GPR63: variants seen among roughly 807,000 people sequenced by gnomAD.
GPR63 encodes the protein probable G protein-coupled receptor 63.
Under a neutral mutation model 23.1 loss-of-function variants are expected in GPR63, and 12 were observed. The ratio of observed to expected loss-of-function variants is 0.52; its 90% CI spans 0.33 to 0.84. The LOEUF (loss-of-function observed/expected upper bound fraction) is 0.84. Ranked by LOEUF, GPR63 falls within the 40% of genes least tolerant of loss-of-function variation. The probability of loss-of-function intolerance (pLI) is 0.02; values close to 1 mark genes in which losing one functional copy is unlikely to be tolerated. For synonymous variants in GPR63, 172 were observed against 191.1 expected (o/e 0.90, Z 0.82); for missense variants, 472 against 515.6 (o/e 0.92, Z 0.82).
chr6:96,821,503 T>G (rs1336753540), intron 1 of GPR63, among the ~76,000 whole-genome samples: 1 of 152,162 alleles, frequency 6.6e-6, no homozygotes, highest in Non-Finnish European at 1.5e-5. Flanking sequence ...AGGTACAGCT[T>G]CTTTTGTCTT....
At chr6:96,811,690 C>A (rs1428256116) in intron 1 of GPR63, among the ~76,000 whole-genome samples, 1 of 151,986 alleles carries the variant, frequency 6.6e-6, no homozygotes, top group Non-Finnish European at 1.5e-5. Context: ...TAGGCCCTTG[C>A]AACATATCCA....
rs1174412077 is a variant in GPR63, at chr6:96,796,894, G to C, written c.*1578C>G. 1 of 152,078 alleles carries C rather than the reference G, an allele frequency of 6.6e-6. No homozygotes were observed. The highest frequency in any genetic ancestry group is 2.4e-5 in the African/African-American group (1 of 41,378). 9.4% of individuals were successfully genotyped at this position (152,078 alleles called of 1,614,324 possible). ...TTGCTTCACAGCCTTATTTATCTAA[G>C]ATTTTTAAGTCTCACATTAAAAAGT... is the stretch of plus-strand genomic sequence containing the variant. On this transcript the variant is annotated 3_prime_UTR_variant, in exon 2 of 2. Transcript: ENST00000229955.
chr6:96,835,206 C>A (rs1774694366), intron 1 of GPR63, among the ~76,000 whole-genome samples: 1 of 152,046 alleles, frequency 6.6e-6, no homozygotes, highest in African/African-American at 2.4e-5. Context: ...GACTAAAATG[C>A]TGAAAAGATG....
intron 1 of GPR63, among the ~76,000 whole-genome samples, chr6:96,807,933 T>C (rs1382726061): frequency 6.6e-6 from 1 of 152,174 alleles, no homozygotes; most frequent in Non-Finnish European, 1.5e-5. Context: ...TCAAGTAACA[T>C]GTCCAAGGTC....
chr6:96,808,741 G>A (rs1378856422), intron 1 of GPR63, among the ~76,000 whole-genome samples: 1 of 152,140 alleles, frequency 6.6e-6, no homozygotes, highest in Non-Finnish European at 1.5e-5. Context: ...CTGAACTCCA[G>A]TCAACTAAAC....
intron 1 of GPR63, among the ~76,000 whole-genome samples, chr6:96,812,220 G>C (rs1288397407): frequency 6.6e-6 from 1 of 152,086 alleles, no homozygotes; most frequent in Non-Finnish European, 1.5e-5. Context: ...AATGCTGTGT[G>C]TACATTTTAA....
chr6:96,811,098 C>A (rs561702795), intron 1 of GPR63, among the ~76,000 whole-genome samples: 41 of 152,290 alleles, frequency 2.7e-4, no homozygotes, highest in African/African-American at 9.6e-4. Flanking sequence ...CTTCCCAGGG[C>A]TCCCAGCAGA....
chr6:96,826,029 T>C (rs921071219), intron 1 of GPR63, among the ~76,000 whole-genome samples: 1 of 152,050 alleles, frequency 6.6e-6, no homozygotes, highest in South Asian at 2.1e-4. Flanking sequence ...AAAACAAACA[T>C]TTCTTTAAAA....
At chr6:96,817,173 G>C (rs1774185721) in intron 1 of GPR63, among the ~76,000 whole-genome samples, 1 of 152,114 alleles carries the variant, frequency 6.6e-6, no homozygotes, top group Admixed American at 6.5e-5. Flanking sequence ...CAGGCTGAAA[G>C]ATAGGCAAAG....
chr6:96,816,441 G>T (rs1774165617), intron 1 of GPR63, among the ~76,000 whole-genome samples: 1 of 152,098 alleles, frequency 6.6e-6, no homozygotes, highest in South Asian at 2.1e-4. Context: ...ATAAAGTCAA[G>T]CCTGTAGCAG....
chr6:96,796,130 C>T lies in GPR63; in HGVS notation c.*2342G>A, dbSNP rs1773573353. The T allele has an allele frequency of 2.0e-5, 3 of 152,064 alleles. No homozygotes were observed. Among genetic ancestry groups the T allele is most frequent in the South Asian group, 2.1e-4 (1 of 4,810 alleles). 9.4% of individuals were successfully genotyped at this position (152,064 alleles called of 1,614,324 possible). A position where few individuals can be genotyped will look rare whatever the true frequency, so the allele number is the denominator to read the frequency against. On this transcript the variant is annotated 3_prime_UTR_variant, in exon 2 of 2. Coordinates refer to ENST00000229955, the MANE Select transcript of GPR63 (RefSeq NM_030784.4). ...TCATGATGTCTTCAACCTTTCAATG[C>T]CCCAACTCCTGATACAGTGCCACAC...
chr6:96,828,702 A>G (rs544817694), intron 1 of GPR63, among the ~76,000 whole-genome samples: 18 of 152,236 alleles, frequency 1.2e-4, no homozygotes, highest in African/African-American at 4.3e-4. Flanking sequence ...CATTCTAAAT[A>G]TAAAGAGACT....
intron 1 of GPR63, among the ~76,000 whole-genome samples, chr6:96,801,322 C>T (rs577130617): frequency 6.6e-6 from 1 of 152,104 alleles, no homozygotes; most frequent in African/African-American, 2.4e-5. Context: ...ACCTCAGCCT[C>T]CCGAGTAGCT....
intron 1 of GPR63, among the ~76,000 whole-genome samples, chr6:96,826,822 A>G (rs1043121060): frequency 6.6e-6 from 1 of 152,166 alleles, no homozygotes; most frequent in African/African-American, 2.4e-5. Flanking sequence ...AAGAAAATAC[A>G]TCATGGAAAA....
At chr6:96,806,059 T>C (rs946728246) in intron 1 of GPR63, among the ~76,000 whole-genome samples, 14 of 152,198 alleles carry the variant, frequency 9.2e-5, no homozygotes, top group Non-Finnish European at 1.8e-4. Context: ...ACCTCAGGGC[T>C]CTGTCAAGTC....
At chr6:96,836,719 G>A (rs535208166) in intron 1 of GPR63, among the ~76,000 whole-genome samples, 10 of 152,230 alleles carry the variant, frequency 6.6e-5, no homozygotes, top group African/African-American at 2.4e-4. Flanking sequence ...ACCGGCCAAG[G>A]ATGCAACACA....
intron 1 of GPR63, among the ~76,000 whole-genome samples, chr6:96,825,375 T>C (rs1213359920): frequency 1.3e-5 from 2 of 152,036 alleles, no homozygotes; most frequent in Non-Finnish European, 2.9e-5. Context: ...AGTGAAATGA[T>C]CAACTCTCAA....
rs536109414 is a variant in GPR63, at chr6:96,807,346, C to T, written c.-150-7465G>A. On this transcript the variant is annotated intron_variant, in intron 1 of 1. Coordinates refer to ENST00000229955, the MANE Select transcript of GPR63 (RefSeq NM_030784.4). ...TCAATCTGGCTATAGCCACTGGATA[C>T]TCACTGTGGCAACACAGGGACCAAA... Among the ~76,000 whole-genome samples the T allele has an allele frequency of 9.8e-5, 15 of 152,362 alleles. No homozygotes were observed. In the South Asian group the frequency reaches 2.9e-3, roughly 29 times the overall value.
intron 1 of GPR63, among the ~76,000 whole-genome samples, chr6:96,815,720 A>T (rs6568613): frequency 0.66 from 100,223 of 152,092 alleles, 33,873 homozygotes; most frequent in African/African-American, 0.81. Flanking sequence ...ATGTGTACAA[A>T]TTTTTGTATA....
Sources: gnomAD v4.1 joint callset for allele counts (sites outside exome capture counted in the v4.1 genomes callset) on GRCh38, gnomAD v4.1.1 for gene constraint, MANE v1.5 for transcripts, NCBI Gene and HGNC (gene_info 2026-07-23, HGNC 2026-07-21) for gene names.